Variants in NRXN1 observed in about 807,000 individuals in gnomAD.
NRXN1 encodes neurexin 1, also known as neurexin-1.
NRXN1 carries 39 observed loss-of-function variants against 150.9 expected under a neutral mutation model. The observed-to-expected ratio is 0.26, with a 90% CI of 0.20 to 0.34. The LOEUF is 0.34. Ranked by LOEUF, NRXN1 falls within the 10% of genes least tolerant of loss-of-function variation. The pLI is 1.00. For missense variants in NRXN1, 1,815 were observed against 1,949.9 expected, an observed-to-expected ratio of 0.93 and a Z score of 1.30; for synonymous variants, 924 against 757.0, an observed-to-expected ratio of 1.22 and a Z score of -3.62.
intron 2 of NRXN1, among the ~76,000 whole-genome samples, chr2:50,983,390 C>A (rs1433021225): frequency 6.6e-6 from 1 of 152,024 alleles, no homozygotes; most frequent in Admixed American, 6.6e-5. Flanking sequence ...GTGTTTCATC[C>A]CTATTTCAAT....
intron 5 of NRXN1, among the ~76,000 whole-genome samples, chr2:50,914,092 C>T (rs1684891063): frequency 6.6e-6 from 1 of 151,650 alleles, no homozygotes; most frequent in Non-Finnish European, 1.5e-5. Flanking sequence ...ACTGTTGATG[C>T]TTTTTAATTC....
chr2:50,647,390 T>A (rs551377588), intron 5 of NRXN1, among the ~76,000 whole-genome samples: 1 of 152,052 alleles, frequency 6.6e-6, no homozygotes, highest in African/African-American at 2.4e-5. Context: ...ACATGAAAAC[T>A]ATCTATGGAA....
chr2:50,230,766 G>A (rs1185237831), intron 18 of NRXN1, among the ~76,000 whole-genome samples: 1 of 151,980 alleles, frequency 6.6e-6, no homozygotes, highest in Non-Finnish European at 1.5e-5. Flanking sequence ...TTGAGAAATT[G>A]AATTAACTTC....
intron 17 of NRXN1, among the ~76,000 whole-genome samples, chr2:50,250,015 C>A (rs1215088116): frequency 6.6e-6 from 1 of 152,074 alleles, no homozygotes; most frequent in African/African-American, 2.4e-5. Flanking sequence ...AAATAAATAA[C>A]TTTTCTAATA....
chr2:50,541,778 C>T (rs1474828324), intron 9 of NRXN1, among the ~76,000 whole-genome samples: 1 of 151,302 alleles, frequency 6.6e-6, no homozygotes, highest in Non-Finnish European at 1.5e-5. Flanking sequence ...GCCTCTGAAG[C>T]ACTTTGATAT....
chr2:49,939,202 A>G (rs1203893266), intron 22 of NRXN1, among the ~76,000 whole-genome samples: 1 of 152,208 alleles, frequency 6.6e-6, no homozygotes, highest in East Asian at 1.9e-4. Context: ...TGCTGGAGCA[A>G]TAACTCCAGC....
chr2:50,523,085 C>CTGTT (rs1391941709), intron 12 of NRXN1, among the ~76,000 whole-genome samples: 1 of 152,074 alleles, frequency 6.6e-6, no homozygotes, highest in Non-Finnish European at 1.5e-5. Context: ...AATACACTGC[C>CTGTT]TGTTTTTATT....
At chr2:50,766,543 C>T (rs80212437) in intron 5 of NRXN1, among the ~76,000 whole-genome samples, 1 of 152,064 alleles carries the variant, frequency 6.6e-6, no homozygotes, top group East Asian at 1.9e-4. Context: ...AGACAACAAA[C>T]AGGGCTGCAG....
chr2:50,059,378 C>T (rs573313440), intron 19 of NRXN1, among the ~76,000 whole-genome samples: 17 of 152,256 alleles, frequency 1.1e-4, no homozygotes, highest in African/African-American at 1.7e-4. Flanking sequence ...CTCTTAAAAG[C>T]ATTCAGTTTT....
At chr2:50,819,332 G>T (rs964567073) in intron 5 of NRXN1, among the ~76,000 whole-genome samples, 13 of 152,130 alleles carry the variant, frequency 8.5e-5, no homozygotes, top group Admixed American at 7.2e-4. Flanking sequence ...TACATACAAT[G>T]AAATATTATT....
Position 50,427,353 on chromosome 2 carries a change from T to C in NRXN1, c.3364+38089A>G, listed in dbSNP as rs1413125064. On this transcript the variant is annotated intron_variant, in intron 17 of 22. Transcript: ENST00000401669. Reference sequence around the variant, plus strand: ...ACTGGTGAGGGGAAGGTATGCAACATATATTCTGCCAAAAAAAAAAAAAAA... The same window carrying C: ...ACTGGTGAGGGGAAGGTATGCAACACATATTCTGCCAAAAAAAAAAAAAAA... Among the ~76,000 whole-genome samples, 6 of 142,840 alleles carry C rather than the reference T, an allele frequency of 4.2e-5. No individual in the cohort carries two copies. In the East Asian group the frequency reaches 1.3e-3, roughly 31 times the overall value. 93.7% of individuals were successfully genotyped at this position (142,840 alleles called of 152,430 possible).
chr2:50,625,725 A>G (rs1227364248), intron 5 of NRXN1, among the ~76,000 whole-genome samples: 5 of 152,114 alleles, frequency 3.3e-5, no homozygotes, highest in African/African-American at 9.6e-5. Context: ...CACTAGAACA[A>G]TTATTTGCTT....
At chr2:50,579,376 T>C (rs1047739871) in intron 8 of NRXN1, among the ~76,000 whole-genome samples, 4 of 152,204 alleles carry the variant, frequency 2.6e-5, no homozygotes, top group African/African-American at 9.6e-5. Context: ...ATTTAGAGTG[T>C]GATGCAGGGC....
intron 2 of NRXN1, among the ~76,000 whole-genome samples, chr2:50,978,957 G>A (rs1368085351): frequency 6.6e-6 from 1 of 151,996 alleles, no homozygotes; most frequent in Admixed American, 6.6e-5. Context: ...AAACTTCATA[G>A]GATGCTGTAA....
At chr2:50,537,166 G>A (rs2093280361) in intron 10 of NRXN1, among the ~76,000 whole-genome samples, 1 of 151,816 alleles carries the variant, frequency 6.6e-6, no homozygotes, top group African/African-American at 2.4e-5. Flanking sequence ...GGAGGTTTTC[G>A]GCAAACTGAA....
chr2:50,536,154 G>C (rs2093254314), intron 10 of NRXN1, among the ~76,000 whole-genome samples: 1 of 152,154 alleles, frequency 6.6e-6, no homozygotes, highest in Admixed American at 6.5e-5. Flanking sequence ...TTGTGGTATT[G>C]AGCATGACAA....
chr2:49,954,129 A>G (rs1439344749), intron 21 of NRXN1, among the ~76,000 whole-genome samples: 1 of 152,102 alleles, frequency 6.6e-6, no homozygotes, highest in Non-Finnish European at 1.5e-5. Context: ...ATTTACCTGA[A>G]TACATTTTAT....
intron 15 of NRXN1, among the ~76,000 whole-genome samples, chr2:50,488,589 G>T (rs2091038772): frequency 6.6e-6 from 1 of 152,150 alleles, no homozygotes; most frequent in African/African-American, 2.4e-5. Context: ...ATGGAGCCCA[G>T]CATTGATCTT....
At position 50,762,748 on chromosome 2, in the gene NRXN1, G is replaced by A. The variant is rs903796696; in HGVS notation, c.833-139133C>T. ...TCTTTACCAAAGATACTCTTGATGG[G>A]CACCTAGGTTGCTTCCCTGTCTTTG... On this transcript the variant is annotated intron_variant, in intron 5 of 22. Coordinates refer to ENST00000401669, the MANE Select transcript of NRXN1 (RefSeq NM_001330078.2). 2.6e-5 allele frequency among the ~76,000 whole-genome samples: 4 copies of A among 151,974 alleles called. No individual in the cohort carries two copies. In the East Asian group the frequency reaches 7.8e-4, roughly 30 times the overall value.
Sources: gnomAD v4.1 joint callset for allele counts (sites outside exome capture counted in the v4.1 genomes callset) on GRCh38, gnomAD v4.1.1 for gene constraint, MANE v1.5 for transcripts, NCBI Gene and HGNC (gene_info 2026-07-23, HGNC 2026-07-21) for gene names.